The following MACF1 variants were observed in gnomAD, a reference collection of about 807,000 sequenced individuals.
The protein encoded by MACF1 is microtubule-actin cross-linking factor 1.
Under a neutral mutation model 854.8 loss-of-function variants are expected in MACF1, and 193 were observed. The ratio of observed to expected loss-of-function variants is 0.23; its 90% CI spans 0.20 to 0.25. MACF1 has a LOEUF of 0.25. Ranked by LOEUF, MACF1 falls within the 10% of genes least tolerant of loss-of-function variation. The pLI, the probability that MACF1 is intolerant of heterozygous loss-of-function variation, is 1.00. For synonymous variants in MACF1, 3,185 were observed against 3,226.7 expected, an observed-to-expected ratio of 0.99 and a Z score of 0.44; for missense variants, 7,722 against 8,929.1, an observed-to-expected ratio of 0.86 and a Z score of 5.45.
chr1:39,312,259 C>A (rs1646316492), intron 26 of MACF1, among the ~76,000 whole-genome samples: 1 of 152,078 alleles, frequency 6.6e-6, no homozygotes, highest in Non-Finnish European at 1.5e-5. Flanking sequence ...AATACCTCTT[C>A]CTTTTTAAAA....
chr1:39,186,325 G>A (rs1251127776), intron 2 of MACF1, among the ~76,000 whole-genome samples: 2 of 149,550 alleles, frequency 1.3e-5, no homozygotes, highest in Non-Finnish European at 3.0e-5. Flanking sequence ...CTGGAGTGCC[G>A]TGGCATGCTC....
rs545761979 is a variant in MACF1, at chr1:39,335,344, T to C, written c.8756T>C (p.Ile2919Thr). The C allele has an allele frequency of 3.7e-6, 6 of 1,613,762 alleles. No homozygotes were observed. The highest frequency in any genetic ancestry group is 8.5e-7 in the Non-Finnish European group (1 of 1,179,856). Residue 2919 changes from isoleucine (I) to threonine (T), a missense_variant, in exon 37 of 101, where the codon ATT (isoleucine) becomes ACT (threonine). Transcript: ENST00000564288. ...GAAAAAGCAGTGACAAAAATAGAAA[T>C]TATTTCTCATATGAAGCAGTCTACC... ...EQEKAVTKIEIISHMKQSTSC... is the reference protein window; with the variant it reads ...EQEKAVTKIETISHMKQSTSC...
chr1:39,158,049 T>C (rs114778653), intron 2 of MACF1, among the ~76,000 whole-genome samples: 137 of 152,304 alleles, frequency 9.0e-4, no homozygotes, highest in African/African-American at 3.2e-3. Flanking sequence ...GCTGTGGAAA[T>C]TTCAGGATTT....
intron 2 of MACF1, among the ~76,000 whole-genome samples, chr1:39,172,152 G>C (rs1487861877): frequency 6.6e-6 from 1 of 152,178 alleles, no homozygotes; most frequent in African/African-American, 2.4e-5. Flanking sequence ...ATCCAGCTCT[G>C]TGGGAGGACA....
intron 58 of MACF1, among the ~76,000 whole-genome samples, chr1:39,406,756 A>AAAAAAAACAAC (rs746955922): frequency 4.3e-5 from 5 of 116,058 alleles, no homozygotes. Flanking sequence ...AAAAAAAAAA[A>AAAAAAAACAAC]AACATTCTTT....
At chr1:39,109,445 A>G (rs955902173) in intron 2 of MACF1, among the ~76,000 whole-genome samples, 5 of 151,250 alleles carry the variant, frequency 3.3e-5, no homozygotes, top group African/African-American at 9.7e-5. Flanking sequence ...AATTTTTTCT[A>G]TATTTTTTTT....
At chr1:39,104,374 C>T (rs922078351) in intron 2 of MACF1, among the ~76,000 whole-genome samples, 20 of 152,162 alleles carry the variant, frequency 1.3e-4, no homozygotes, top group Non-Finnish European at 2.4e-4. Context: ...AAATCCCTAC[C>T]CATATTTTCC....
At chr1:39,356,579 G>T (rs988599194) in intron 44 of MACF1, among the ~76,000 whole-genome samples, 1 of 152,078 alleles carries the variant, frequency 6.6e-6, no homozygotes, top group Non-Finnish European at 1.5e-5. Context: ...CACCATATTG[G>T]CCAGGATGGT....
At chr1:39,124,476 C>T (rs1001509219) in intron 2 of MACF1, among the ~76,000 whole-genome samples, 12 of 152,228 alleles carry the variant, frequency 7.9e-5, no homozygotes, top group African/African-American at 2.9e-4. Context: ...TTAGTAATGT[C>T]TGTATCATAT....
Position 39,429,898 on chromosome 1 carries a change from A to G in MACF1, c.16960A>G (p.Ser5654Gly), listed in dbSNP as rs775126879. The G allele has an allele frequency of 2.5e-6, 4 of 1,614,050 alleles. No individual in the cohort carries two copies. The East Asian group carries it at 8.9e-5, about 36-fold the overall frequency. ...TCGTTACGCAGACATCACAGTTACT[A>G]GCTCCAAGGCCCTCAGAACTTTAGA... The part of the protein sequence containing the change: ...KTRYADITVT[S>G]SKALRTLEQA... The change falls in exon 65 of 101, where the codon AGC (serine) becomes GGC (glycine). Residue 5654 changes from serine (S) to glycine (G), a missense_variant. Coordinates refer to ENST00000564288, the MANE Select transcript of MACF1 (RefSeq NM_001394062.1).
In MACF1 at chr1:39,331,533, C is replaced by G; in HGVS notation, c.4945C>G (p.Leu1649Val). The G allele has an allele frequency of 1.2e-6, 2 of 1,614,172 alleles. No individual in the cohort carries two copies. The highest frequency in any genetic ancestry group is 1.7e-6 in the Non-Finnish European group (2 of 1,180,024). Residue 1649 changes from leucine (L) to valine (V), a missense_variant, in exon 37 of 101, where the codon CTG becomes GTG. Transcript: ENST00000564288. ...GAGAATAATCAGTGAGACAGTTGGA[C>G]TGAAAATCTTAGAAGCTCACCTGGC... is the stretch of plus-strand genomic sequence containing the variant. ...EKRIISETVGLKILEAHLATG... is the reference protein window; with the variant it reads ...EKRIISETVGVKILEAHLATG...
At chr1:39,410,255 A>G in intron 58 of MACF1, 1 of 1,552,410 alleles carries the variant, frequency 6.4e-7, no homozygotes, top group Non-Finnish European at 8.7e-7. Context: ...GTTCATCTTG[A>G]TTGAAAAAGG....
intron 42 of MACF1, among the ~76,000 whole-genome samples, chr1:39,350,376 T>C (rs2805585): frequency 6.6e-6 from 1 of 152,084 alleles, no homozygotes; most frequent in Non-Finnish European, 1.5e-5. Flanking sequence ...AAGTTGAAGT[T>C]GGAGGGGTAA....
chr1:39,398,640 C>T (rs1385804778), intron 58 of MACF1, among the ~76,000 whole-genome samples: 1 of 152,184 alleles, frequency 6.6e-6, no homozygotes, highest in South Asian at 2.1e-4. Context: ...TAGTTCCACT[C>T]GCTGGGGGTG....
At chr1:39,307,196 C>G (rs1646199136) in intron 23 of MACF1, among the ~76,000 whole-genome samples, 1 of 151,932 alleles carries the variant, frequency 6.6e-6, no homozygotes, top group African/African-American at 2.4e-5. Flanking sequence ...TTACTCTGAA[C>G]TCTGAAATCA....
At chr1:39,360,440 A>G (rs1260280996) in intron 47 of MACF1, among the ~76,000 whole-genome samples, 1 of 151,978 alleles carries the variant, frequency 6.6e-6, no homozygotes, top group Non-Finnish European at 1.5e-5. Flanking sequence ...GGTTCTTTGT[A>G]TGCAGTAAAT....
In MACF1 at chr1:39,229,811, A is replaced by G. The variant is rs369952823; in HGVS notation, c.110-1371A>G. On this transcript the variant is annotated intron_variant, in intron 1 of 100. Transcript: ENST00000564288. ...GAGTGCAGTGGTGTAATCACGGCTC[A>G]CTGCAACGTCCACCTCCCAGGTTCA... Among the ~76,000 whole-genome samples the G allele has an allele frequency of 9.2e-4, 140 of 152,244 alleles. 2 individuals are homozygous for G. In the South Asian group the frequency reaches 0.016, roughly 18 times the overall value.
At chr1:39,464,442 T>TG (rs1277364030) in intron 94 of MACF1, 2 of 153,170 alleles carry the variant, frequency 1.3e-5, no homozygotes, top group African/African-American at 4.8e-5. Context: ...TCCTGAGGAG[T>TG]GCTGGGTGAA....
chr1:39,316,256 C>A, intron 27 of MACF1, 135 bp from the exon 28 acceptor site: 2 of 672,366 alleles, frequency 3.0e-6, no homozygotes, highest in South Asian at 3.5e-5. Context: ...TTTCACAAAA[C>A]CCTGTCAACA....
Sources: allele counts gnomAD v4.1 joint callset (sites outside exome capture counted in the v4.1 genomes callset), GRCh38; gene constraint gnomAD v4.1.1; transcripts MANE v1.5; gene names NCBI Gene and HGNC (gene_info 2026-07-23, HGNC 2026-07-21).